Variants in GPSM1 observed in about 807,000 individuals in gnomAD.
GPSM1 encodes the protein G protein-signaling modulator 1.
GPSM1 carries 48 observed loss-of-function variants against 70.5 expected under a neutral mutation model. That is an observed-to-expected ratio of 0.68 (90% confidence interval 0.54 to 0.87). GPSM1 has a LOEUF of 0.87. GPSM1 is among the 40% of genes least tolerant of loss of function. The pLI is 0.00. For missense variants in GPSM1, 981 were observed against 972.6 expected, an observed-to-expected ratio of 1.01 and a Z score of -0.11; for synonymous variants, 416 against 430.1, an observed-to-expected ratio of 0.97 and a Z score of 0.41.
In GPSM1 at chr9:136,337,898, A is replaced by G; in HGVS notation, c.755A>G (p.Tyr252Cys). 6.2e-7 allele frequency: 1 copy of G among 1,612,724 alleles called. No individual in the cohort carries two copies. Among genetic ancestry groups the G allele is most frequent in the Non-Finnish European group, 8.5e-7 (1 of 1,179,862 alleles). Residue 252 changes from tyrosine to cysteine, a missense_variant, in exon 6 of 14, where the codon TAC becomes TGC. Transcript: ENST00000440944. Reference protein sequence around the residue: ...FGDKAAERRAYSNLGNAHVFL... With the variant: ...FGDKAAERRACSNLGNAHVFL... ...GACAAGGCAGCCGAGAGGAGGGCCT[A>G]CAGCAACCTGGGGAACGCCCACGTC...
intron 4 of GPSM1, 37 bp downstream of exon 4, chr9:136,337,109 G>T: frequency 6.6e-7 from 1 of 1,520,002 alleles, no homozygotes; most frequent in Non-Finnish European, 8.9e-7. Flanking sequence ...ACCGGGGCTG[G>T]CCTGTGCGTT....
intron 4 of GPSM1, 141 bp from the exon 5 acceptor site, chr9:136,337,300 G>A: frequency 7.5e-7 from 1 of 1,324,608 alleles, no homozygotes; most frequent in Non-Finnish European, 1.0e-6. Flanking sequence ...AGAGCTCGAG[G>A]ACCCTGGAGC....
rs559302242 is a variant in GPSM1, at chr9:136,343,706, A to G, written c.1207+2713A>G. 2.6e-5 allele frequency among the ~76,000 whole-genome samples: 4 copies of G among 152,338 alleles called. No individual in the cohort carries two copies. The South Asian group carries it at 8.3e-4, about 32-fold the overall frequency. ...TCCCCATCTGGGGAACGGGCCCATC[A>G]GTAGTGCTGGGAACAGAGCTTGGCA... On this transcript the variant is annotated intron_variant, in intron 9 of 13. Coordinates refer to ENST00000440944, the MANE Select transcript of GPSM1 (RefSeq NM_001145638.3). The surrounding 1 kb of genome is among the most constrained non-coding windows in gnomAD (Gnocchi z 6.0).
intron 1 of GPSM1, among the ~76,000 whole-genome samples, chr9:136,331,376 C>CT (rs1174525600): frequency 2.6e-4 from 40 of 151,098 alleles, no homozygotes; most frequent in African/African-American, 8.5e-4. Flanking sequence ...CCCCCCCCCC[C>CT]GCTGCCCCAT....
rs1272811204 is a variant in GPSM1 at position 136,340,211 on chromosome 9, G to T, written c.1083+396G>T. 3.9e-5 allele frequency among the ~76,000 whole-genome samples: 6 copies of T among 152,192 alleles called. No homozygotes were observed. In the East Asian group the frequency reaches 9.7e-4, roughly 24 times the overall value. On this transcript the variant is annotated intron_variant, in intron 8 of 13. Coordinates refer to ENST00000440944, the MANE Select transcript of GPSM1 (RefSeq NM_001145638.3). This position sits in a 1 kb window ranked among gnomAD's most constrained non-coding sequence, Gnocchi z 7.3. ...CTCTGCACACCCCGAGCCTGTTCATGCTAAAGACGGTGCCAGCCCCTACTG... is the reference window on the plus strand; with the variant it reads ...CTCTGCACACCCCGAGCCTGTTCATTCTAAAGACGGTGCCAGCCCCTACTG...
Position 136,328,934 on chromosome 9 carries a change from G to A in GPSM1, c.68+1171G>A, listed in dbSNP as rs75002195. 8.5e-3 allele frequency among the ~76,000 whole-genome samples: 1,296 copies of A among 152,326 alleles called. 15 individuals are homozygous for A. The highest frequency in any genetic ancestry group is 0.034 in the Middle Eastern group (10 of 294). On this transcript the variant is annotated intron_variant, in intron 1 of 13. Coordinates refer to ENST00000440944, the MANE Select transcript of GPSM1 (RefSeq NM_001145638.3). ...GCTCCAGGGCGGCCGTGCTGTGAGG[G>A]GGATGGATAGCAGCCCTGGCTGGAG...
chr9:136,338,110 G>A (rs1832293742), intron 6 of GPSM1, 149 bp downstream of exon 6: 1 of 621,428 alleles, frequency 1.6e-6, no homozygotes, highest in Non-Finnish European at 2.8e-6. Flanking sequence ...CCCCGGGAAG[G>A]GCAGACGGAC....
chr9:136,331,702 G>A (rs185204881), intron 1 of GPSM1, among the ~76,000 whole-genome samples: 41 of 152,334 alleles, frequency 2.7e-4, no homozygotes, highest in Admixed American at 2.5e-3. Flanking sequence ...GGTGACTGAC[G>A]GGAGGGCAAT....
Position 136,341,209 on chromosome 9 carries a change from C to T in GPSM1, c.1207+216C>T. 1 of 1,535,996 alleles carries T rather than the reference C, an allele frequency of 6.5e-7. No individual in the cohort carries two copies. ...CCGCATCCTGAGTGGCGCTGCAGGG[C>T]TGCTGGATGAAGGACAGGAGGTGGT... On this transcript the variant is annotated intron_variant, in intron 9 of 13. Coordinates refer to ENST00000440944, the MANE Select transcript of GPSM1 (RefSeq NM_001145638.3). The surrounding 1 kb of genome is among the most constrained non-coding windows in gnomAD (Gnocchi z 6.7).
In GPSM1 at chr9:136,342,942, A is replaced by G. The variant is rs896802280; in HGVS notation, c.1207+1949A>G. Among the ~76,000 whole-genome samples, 2 of 151,922 alleles carry G rather than the reference A, an allele frequency of 1.3e-5. No individual in the cohort carries two copies. Among genetic ancestry groups the G allele is most frequent in the Non-Finnish European group, 2.9e-5 (2 of 67,940 alleles). On this transcript the variant is annotated intron_variant, in intron 9 of 13. Transcript: ENST00000440944. The surrounding 1 kb of genome is among the most constrained non-coding windows in gnomAD (Gnocchi z 5.5). ...GGCCTTGCTGTTGTGGGCGTGGTCC[A>G]TGGGGGCGGTGGGCGTGGCAGAGGC...
At chr9:136,348,880 A>C in intron 10 of GPSM1, 113 bp downstream of exon 10, 1 of 788,128 alleles carries the variant, frequency 1.3e-6, no homozygotes, top group Non-Finnish European at 2.1e-6. Flanking sequence ...GCTGGGAGAT[A>C]AATGTGCCCT....
Position 136,341,237 on chromosome 9 carries a change from C to T in GPSM1, c.1207+244C>T, listed in dbSNP as rs927351192. 4.0e-6 allele frequency: 6 copies of T among 1,508,832 alleles called. No individual in the cohort carries two copies. The East Asian group carries it at 1.2e-4, about 31-fold the overall frequency. 93.5% of individuals were successfully genotyped at this position (1,508,832 alleles called of 1,614,324 possible). A position where few individuals can be genotyped will look rare whatever the true frequency, so the allele number is the denominator to read the frequency against. ...CTGGATGAAGGACAGGAGGTGGTCG[C>T]CTGTTGCCCCACTGGCTGCTCCAGG... On this transcript the variant is annotated intron_variant, in intron 9 of 13. Coordinates refer to ENST00000440944, the MANE Select transcript of GPSM1 (RefSeq NM_001145638.3). This position sits in a 1 kb window ranked among gnomAD's most constrained non-coding sequence, Gnocchi z 6.7.
At position 136,336,878 on chromosome 9, in the gene GPSM1, G is replaced by A. The variant is rs782755757; in HGVS notation, c.427-43G>A. The stretch of plus-strand genomic sequence containing the variant: ...TGTGCCGGCTCTGCACATCGTGTGG[G>A]GGGCCGTGGAGGCATGCCCCCAACC... On this transcript the variant is annotated intron_variant, in intron 3 of 13. Coordinates refer to ENST00000440944, the MANE Select transcript of GPSM1 (RefSeq NM_001145638.3). 1.6e-5 allele frequency: 24 copies of A among 1,527,784 alleles called. 1 individual carries two copies. The South Asian group carries it at 2.9e-4, about 19-fold the overall frequency. 94.6% of individuals were successfully genotyped at this position (1,527,784 alleles called of 1,614,324 possible).
chr9:136,356,698 C>T, intron 13 of GPSM1, 148 bp downstream of exon 13: 1 of 636,074 alleles, frequency 1.6e-6, no homozygotes, highest in Middle Eastern at 4.3e-4. Context: ...CAGCCAGTGT[C>T]ACCACATGAC....
Position 136,353,079 on chromosome 9 carries a change from T to C in GPSM1, c.1456-2611T>C, listed in dbSNP as rs1052904547. On this transcript the variant is annotated intron_variant, in intron 11 of 13. Coordinates refer to ENST00000440944, the MANE Select transcript of GPSM1 (RefSeq NM_001145638.3). ...CAGGGCGGTGGTGGCCCTGGGCACC[T>C]TGTGTCCTGCCTGCGCTCTGTGTGG... 7.1e-6 allele frequency: 7 copies of C among 985,094 alleles called. No individual in the cohort carries two copies. The African/African-American group carries it at 8.7e-5, about 12-fold the overall frequency. The allele number at this position is 985,094 out of a possible 1,614,324, so 61.0% of individuals were successfully genotyped here.
chr9:136,331,404 G>C (rs1377773702), intron 1 of GPSM1, among the ~76,000 whole-genome samples: 3 of 151,662 alleles, frequency 2.0e-5, no homozygotes, highest in Admixed American at 6.6e-5. Flanking sequence ...CCGTGGGCTG[G>C]TGCCAGGGAG....
rs1554770085 is a variant in GPSM1 at position 136,340,864 on chromosome 9, C to A, written c.1084-6C>A. 6.4e-7 allele frequency: 1 copy of A among 1,566,522 alleles called. No individual in the cohort carries two copies. The highest frequency in any genetic ancestry group is 1.2e-5 in the South Asian group (1 of 85,466). On this transcript the variant is annotated splice_polypyrimidine_tract_variant and splice_region_variant and intron_variant, in intron 8 of 13. Coordinates refer to ENST00000440944, the MANE Select transcript of GPSM1 (RefSeq NM_001145638.3). The surrounding 1 kb of genome is among the most constrained non-coding windows in gnomAD (Gnocchi z 7.3). ...CCTGCCCGCTCCGCCACCCCACTCG[C>A]CGCAGATCGGGGACCGCCATGGGGA...
Position 136,341,248 on chromosome 9 carries a change from A to C in GPSM1, c.1207+255A>C. On this transcript the variant is annotated intron_variant, in intron 9 of 13. Coordinates refer to ENST00000440944, the MANE Select transcript of GPSM1 (RefSeq NM_001145638.3). The surrounding 1 kb of genome is among the most constrained non-coding windows in gnomAD (Gnocchi z 6.7). ...ACAGGAGGTGGTCGCCTGTTGCCCC[A>C]CTGGCTGCTCCAGGGCCTCCACCCC... is the stretch of plus-strand genomic sequence containing the variant. 1.3e-6 allele frequency: 2 copies of C among 1,498,764 alleles called. No individual in the cohort carries two copies. Among genetic ancestry groups the C allele is most frequent in the Non-Finnish European group, 1.8e-6 (2 of 1,120,276 alleles). The allele number at this position is 1,498,764 out of a possible 1,614,324, so 92.8% of individuals were successfully genotyped here. A position where few individuals can be genotyped will look rare whatever the true frequency, so the allele number is the denominator to read the frequency against.
intron 2 of GPSM1, among the ~76,000 whole-genome samples, chr9:136,335,452 T>C (rs1364568817): frequency 2.0e-5 from 3 of 152,108 alleles, no homozygotes; most frequent in Non-Finnish European, 4.4e-5. Context: ...CCCTCAGCCC[T>C]GCAGCTGCCC....
Sources: gnomAD v4.1 joint callset for allele counts (sites outside exome capture counted in the v4.1 genomes callset) on GRCh38, gnomAD v4.1.1 for gene constraint, Gnocchi (gnomAD v3.1) non-coding constraint, MANE v1.5 for transcripts, NCBI Gene and HGNC (gene_info 2026-07-23, HGNC 2026-07-21) for gene names.